GNG7: variants seen among roughly 807,000 people sequenced by gnomAD.
GNG7 encodes G protein subunit gamma 7, also known as guanine nucleotide-binding protein G(I)/G(S)/G(O) subunit gamma-7.
GNG7 carries 1 observed loss-of-function variant against 4.0 expected under a neutral mutation model. The observed-to-expected ratio is 0.25, with a 90% CI of 0.09 to 1.18. The LOEUF (loss-of-function observed/expected upper bound fraction) is 1.18. GNG7 is among the 50% of genes most tolerant of loss of function. GNG7 has a pLI of 0.50. For missense variants in GNG7, 86 were observed against 91.9 expected (o/e 0.94, Z 0.26); for synonymous variants, 34 against 36.9 (o/e 0.92, Z 0.29).
intron 1 of GNG7, among the ~76,000 whole-genome samples, chr19:2,684,144 T>G (rs901594739): frequency 1.3e-5 from 2 of 150,366 alleles, no homozygotes; most frequent in Non-Finnish European, 3.0e-5. Context: ...CATTTTTTTT[T>G]TTTTTTTTTT....
At chr19:2,646,046 T>C (rs941481640) in intron 2 of GNG7, among the ~76,000 whole-genome samples, 178 bp downstream of exon 2, 1 of 152,134 alleles carries the variant, frequency 6.6e-6, no homozygotes, top group Admixed American at 6.5e-5. Context: ...TGCCAGGAGC[T>C]AGCAGCTGTT....
At chr19:2,675,188 G>C (rs1346712662) in intron 1 of GNG7, among the ~76,000 whole-genome samples, 9 of 152,174 alleles carry the variant, frequency 5.9e-5, no homozygotes, top group Admixed American at 5.9e-4. Context: ...AACAGATCAC[G>C]TTCTCGGAGA....
chr19:2,523,546 C>T (rs528967573), intron 3 of GNG7, among the ~76,000 whole-genome samples: 3 of 152,048 alleles, frequency 2.0e-5, no homozygotes, highest in Non-Finnish European at 4.4e-5. Context: ...AAGGGCAACA[C>T]GAATGATCCC....
intron 2 of GNG7, among the ~76,000 whole-genome samples, chr19:2,571,072 G>A (rs1238671278): frequency 1.3e-5 from 2 of 152,068 alleles, no homozygotes; most frequent in South Asian, 2.1e-4. Flanking sequence ...AAAGTGCTGA[G>A]ATGATAGGCG....
chr19:2,691,439 G>T (rs1248656210), intron 1 of GNG7, among the ~76,000 whole-genome samples: 1 of 152,132 alleles, frequency 6.6e-6, no homozygotes, highest in Non-Finnish European at 1.5e-5. Context: ...AGCTACTCAG[G>T]AGGCTGAGGT....
intron 3 of GNG7, among the ~76,000 whole-genome samples, chr19:2,523,475 C>G (rs1433382729): frequency 6.6e-6 from 1 of 151,892 alleles, no homozygotes; most frequent in Non-Finnish European, 1.5e-5. Context: ...ATCACTTGAG[C>G]CTGGGAGGTT....
chr19:2,693,825 C>A (rs116420551), intron 1 of GNG7, among the ~76,000 whole-genome samples: 2 of 152,034 alleles, frequency 1.3e-5, no homozygotes, highest in Admixed American at 1.3e-4. Flanking sequence ...CAGATAAATG[C>A]GTCAAGGGTT....
At chr19:2,602,429 G>A (rs1024055017) in intron 2 of GNG7, among the ~76,000 whole-genome samples, 3 of 152,148 alleles carry the variant, frequency 2.0e-5, no homozygotes, top group Admixed American at 1.3e-4. Flanking sequence ...CCTCCTGCAC[G>A]CTTTTAAGCA....
At chr19:2,666,025 C>G (rs1318466155) in intron 1 of GNG7, among the ~76,000 whole-genome samples, 1 of 151,888 alleles carries the variant, frequency 6.6e-6, no homozygotes, top group Admixed American at 6.6e-5. Flanking sequence ...GCCACCACGC[C>G]CAGCTAATTT....
chr19:2,514,205 GAA>G lies in GNG7; in HGVS notation c.*815_*816del, dbSNP rs35162955. ...AGAATGAAACTCCATCTCAAAAAAAGAAAAAAAAAAAAAATCCAAAAACATGA... is the reference window on the plus strand; with the variant it reads ...AGAATGAAACTCCATCTCAAAAAAAGAAAAAAAAAAAATCCAAAAACATGA... On this transcript the variant is annotated 3_prime_UTR_variant, in exon 5 of 5. Transcript: ENST00000382159. The G allele has an allele frequency of 7.6e-3, 1,073 of 142,094 alleles. 7 individuals carry two copies. Among genetic ancestry groups the G allele is most frequent in the Admixed American group, 0.018 (250 of 14,194 alleles). 8.8% of individuals were successfully genotyped at this position (142,094 alleles called of 1,614,324 possible). A position where few individuals can be genotyped will look rare whatever the true frequency, so the allele number is the denominator to read the frequency against.
intron 1 of GNG7, among the ~76,000 whole-genome samples, chr19:2,691,759 C>T (rs569080337): frequency 4.0e-5 from 6 of 150,368 alleles, no homozygotes; most frequent in Admixed American, 2.7e-4. Flanking sequence ...CCCAGCTACT[C>T]GGGAGGCTGA....
At chr19:2,694,349 C>A (rs1266707505) in intron 1 of GNG7, among the ~76,000 whole-genome samples, 5 of 152,014 alleles carry the variant, frequency 3.3e-5, no homozygotes, top group Non-Finnish European at 7.4e-5. Context: ...AGCAGTGGTT[C>A]TCAACCCCAG....
chr19:2,697,761 C>T (rs1368292698), intron 1 of GNG7, among the ~76,000 whole-genome samples: 1 of 151,448 alleles, frequency 6.6e-6, no homozygotes, highest in Non-Finnish European at 1.5e-5. Context: ...TCGAGGCCAG[C>T]CTGGCCAACA....
intron 2 of GNG7, among the ~76,000 whole-genome samples, chr19:2,600,468 A>ATT (rs35232310): frequency 6.6e-5 from 8 of 120,332 alleles, no homozygotes; most frequent in South Asian, 5.3e-4. Flanking sequence ...GTATCTTGGC[A>ATT]TTTTTTTTTT....
intron 2 of GNG7, among the ~76,000 whole-genome samples, chr19:2,636,714 C>G (rs529548469): frequency 6.6e-6 from 1 of 152,252 alleles, no homozygotes; most frequent in South Asian, 2.1e-4. Context: ...ACAGGGGCCC[C>G]TAGGGCAGGG....
intron 3 of GNG7, among the ~76,000 whole-genome samples, chr19:2,553,406 ATG>A (rs1555693133): frequency 6.8e-6 from 1 of 147,212 alleles, no homozygotes; most frequent in Non-Finnish European, 1.5e-5. Flanking sequence ...ACATATATAT[ATG>A]TAATATACAT....
intron 2 of GNG7, among the ~76,000 whole-genome samples, chr19:2,575,027 G>A (rs549145463): frequency 1.3e-5 from 2 of 152,200 alleles, no homozygotes; most frequent in South Asian, 2.1e-4. Context: ...GGGAACCAGG[G>A]AAGAAAGGCT....
chr19:2,647,611 G>A (rs535850800), intron 1 of GNG7, among the ~76,000 whole-genome samples: 5 of 152,234 alleles, frequency 3.3e-5, no homozygotes, highest in African/African-American at 4.8e-5. Flanking sequence ...CCAGCTACTC[G>A]AGAGGCTGAG....
At position 2,633,602 on chromosome 19, in the gene GNG7, T is replaced by C. The variant is rs1982229353; in HGVS notation, c.-78+12622A>G. Reference sequence around the variant, plus strand: ...CGGTGGTCGTGGATGTGAGCCTCTCTGGGTATGGAGCCTCAATCAGTAGAG... The same window carrying C: ...CGGTGGTCGTGGATGTGAGCCTCTCCGGGTATGGAGCCTCAATCAGTAGAG... On this transcript the variant is annotated intron_variant, in intron 2 of 4. Coordinates refer to ENST00000382159, the MANE Select transcript of GNG7 (RefSeq NM_052847.3). This position sits in a 1 kb window ranked among gnomAD's most constrained non-coding sequence, Gnocchi z 5.9. 6.6e-6 allele frequency among the ~76,000 whole-genome samples: 1 copy of C among 151,676 alleles called. No individual in the cohort carries two copies. The highest frequency in any genetic ancestry group is 1.5e-5 in the Non-Finnish European group (1 of 67,906).
Sources: allele counts gnomAD v4.1 joint callset (sites outside exome capture counted in the v4.1 genomes callset), GRCh38; gene constraint gnomAD v4.1.1; non-coding constraint Gnocchi (gnomAD v3.1); transcripts MANE v1.5; gene names NCBI Gene and HGNC (gene_info 2026-07-23, HGNC 2026-07-21).